Variants in DNAL1 observed in about 807,000 individuals in gnomAD.
The protein encoded by DNAL1 is dynein axonemal light chain 1.
DNAL1 carries 17 observed loss-of-function variants against 29.4 expected under a neutral mutation model. The observed-to-expected ratio is 0.58, with a 90% CI of 0.40 to 0.87. DNAL1 has a LOEUF of 0.87. Ranked by LOEUF, DNAL1 falls within the 40% of genes least tolerant of loss-of-function variation. The pLI, the probability that DNAL1 is intolerant of heterozygous loss-of-function variation, is 0.00. For missense variants in DNAL1, 188 were observed against 214.1 expected, an observed-to-expected ratio of 0.88 and a Z score of 0.76; for synonymous variants, 78 against 76.3, an observed-to-expected ratio of 1.02 and a Z score of -0.12.
At chr14:73,659,615 C>G (rs1238828832) in intron 3 of DNAL1, 1 of 152,070 alleles carries the variant, frequency 6.6e-6, no homozygotes, top group African/African-American at 2.4e-5. Flanking sequence ...AGGGGCCATG[C>G]TAATCTATCG....
intron 5 of DNAL1, among the ~76,000 whole-genome samples, chr14:73,679,838 G>C (rs1891835179): frequency 6.7e-6 from 1 of 149,730 alleles, no homozygotes; most frequent in Non-Finnish European, 1.5e-5. Context: ...AATTCATCTG[G>C]AGTTTATTTT....
intron 1 of DNAL1, chr14:73,653,038 A>G (rs1409101214): frequency 6.6e-6 from 1 of 152,186 alleles, no homozygotes; most frequent in East Asian, 1.9e-4. Context: ...TTAGGTATAG[A>G]AGGAAGGTGT....
At chr14:73,687,169 C>CT in intron 5 of DNAL1, 90 bp from the exon 6 acceptor site, 1 of 1,505,850 alleles carries the variant, frequency 6.6e-7, no homozygotes, top group Non-Finnish European at 8.9e-7. Context: ...TCTAAGTTCA[C>CT]TTTGGAAGCC....
chr14:73,647,703 C>A (rs1891013082), intron 1 of DNAL1, among the ~76,000 whole-genome samples: 3 of 150,374 alleles, frequency 2.0e-5, no homozygotes, highest in Admixed American at 2.0e-4. Flanking sequence ...TTTTTGACTC[C>A]TTCTATCCAT....
intron 7 of DNAL1, among the ~76,000 whole-genome samples, chr14:73,694,387 C>T (rs138239311): frequency 9.2e-5 from 14 of 152,198 alleles, no homozygotes; most frequent in African/African-American, 2.6e-4. Flanking sequence ...GTTTGGGAGA[C>T]GATGAACTGA....
chr14:73,662,868 T>C (rs1306272956), intron 4 of DNAL1, among the ~76,000 whole-genome samples: 1 of 151,650 alleles, frequency 6.6e-6, no homozygotes, highest in Non-Finnish European at 1.5e-5. Context: ...CATTAGAATG[T>C]AAGTATCTTT....
In DNAL1 at chr14:73,698,062, G is replaced by C. The variant is rs761957988; in HGVS notation, c.*2120G>C. ...TGGAAGTGAATATAATAGGAAGTAA[G>C]TGATTTCATATTGAATTTATTTGTA... On this transcript the variant is annotated 3_prime_UTR_variant, in exon 8 of 8. Transcript: ENST00000553645. The C allele has an allele frequency of 6.6e-6, 1 of 152,176 alleles. No individual in the cohort carries two copies. Among genetic ancestry groups the C allele is most frequent in the Non-Finnish European group, 1.5e-5 (1 of 68,036 alleles). 9.4% of individuals were successfully genotyped at this position (152,176 alleles called of 1,614,324 possible).
Position 73,689,445 on chromosome 14 carries a change from G to A in DNAL1, c.462G>A (p.Glu154=), listed in dbSNP as rs780459682. The part of the protein sequence containing the change: ...DLVFVGNPLE[E]KHSAENNWIE... ...TGTTTGTAGGCAATCCCTTGGAAGA[G>A]AAACATTCTGCTGAGAATAACTGGA... The change falls in exon 7 of 8, where the codon GAG becomes GAA. Residue 154 remains glutamate, a synonymous_variant. Coordinates refer to ENST00000553645, the MANE Select transcript of DNAL1 (RefSeq NM_031427.4). 5.8e-6 allele frequency: 9 copies of A among 1,564,790 alleles called. No homozygotes were observed. Among genetic ancestry groups the A allele is most frequent in the East Asian group, 2.4e-5 (1 of 42,364 alleles).
chr14:73,645,120 G>A, intron 1 of DNAL1, 78 bp downstream of exon 1: 1 of 1,571,892 alleles, frequency 6.4e-7, no homozygotes, highest in Non-Finnish European at 8.6e-7. Context: ...AGTGTTGAGG[G>A]TCTGGGGGTC....
chr14:73,656,434 C>CTTTTTTTTT (rs558976461), intron 2 of DNAL1, among the ~76,000 whole-genome samples: 1 of 132,656 alleles, frequency 7.5e-6, no homozygotes, highest in Non-Finnish European at 1.6e-5. Context: ...ACATTTTTGA[C>CTTTTTTTTT]TTTTTTTTTT....
chr14:73,652,542 C>G (rs1891134647), intron 1 of DNAL1, among the ~76,000 whole-genome samples: 1 of 152,150 alleles, frequency 6.6e-6, no homozygotes, highest in Non-Finnish European at 1.5e-5. Context: ...TCCCAAAGCG[C>G]TGGGATTACA....
chr14:73,688,283 G>A (rs1183656081), intron 6 of DNAL1, among the ~76,000 whole-genome samples: 1 of 152,152 alleles, frequency 6.6e-6, no homozygotes, highest in Admixed American at 6.6e-5. Flanking sequence ...GCTTAGTGGG[G>A]AAAATTAGTT....
At chr14:73,683,334 GGTTT>G (rs1163577292) in intron 5 of DNAL1, among the ~76,000 whole-genome samples, 1 of 152,062 alleles carries the variant, frequency 6.6e-6, no homozygotes, top group African/African-American at 2.4e-5. Context: ...TGGCTCAGTA[GGTTT>G]GTTTACACTA....
intron 5 of DNAL1, among the ~76,000 whole-genome samples, chr14:73,679,605 G>C: frequency 6.6e-6 from 1 of 152,148 alleles, no homozygotes; most frequent in Non-Finnish European, 1.5e-5. Flanking sequence ...TCTGATCACA[G>C]TTTCCACATT....
intron 3 of DNAL1, among the ~76,000 whole-genome samples, chr14:73,659,328 A>T (rs1429627354): frequency 6.6e-6 from 1 of 151,654 alleles, no homozygotes; most frequent in East Asian, 1.9e-4. Flanking sequence ...ACGCCCAGCA[A>T]TTTTTTTGTA....
intron 5 of DNAL1, among the ~76,000 whole-genome samples, chr14:73,677,796 A>T (rs1011245340): frequency 9.3e-5 from 14 of 150,450 alleles, no homozygotes; most frequent in African/African-American, 3.4e-4. Context: ...TGACCTCGTG[A>T]TCCGCCCACC....
chr14:73,699,980 A>T lies in DNAL1; in HGVS notation c.*4038A>T, dbSNP rs1317254249. 5 of 152,256 alleles carry T rather than the reference A, an allele frequency of 3.3e-5. No individual in the cohort carries two copies. The highest frequency in any genetic ancestry group is 2.6e-4 in the Admixed American group (4 of 15,278). The allele number at this position is 152,256 out of a possible 1,614,324, so 9.4% of individuals were successfully genotyped here. On this transcript the variant is annotated 3_prime_UTR_variant, in exon 8 of 8. Coordinates refer to ENST00000553645, the MANE Select transcript of DNAL1 (RefSeq NM_031427.4). ...ATCAATTTTGGATGTGATCAGAAGAATGTCTGCTTAAGATAACTGGTCAAT... is the reference window on the plus strand; with the variant it reads ...ATCAATTTTGGATGTGATCAGAAGATTGTCTGCTTAAGATAACTGGTCAAT...
At chr14:73,681,129 GTTT>G (rs889773703) in intron 5 of DNAL1, among the ~76,000 whole-genome samples, 1 of 149,118 alleles carries the variant, frequency 6.7e-6, no homozygotes, top group Non-Finnish European at 1.5e-5. Flanking sequence ...TGGGTTTGTT[GTTT>G]TTTTGCTTTT....
rs1168797166 is a variant in DNAL1 at position 73,697,905 on chromosome 14, G to A, written c.*1963G>A. The A allele has an allele frequency of 6.6e-6, 1 of 152,076 alleles. No homozygotes were observed. The highest frequency in any genetic ancestry group is 2.4e-5 in the African/African-American group (1 of 41,404). 9.4% of individuals were successfully genotyped at this position (152,076 alleles called of 1,614,324 possible). On this transcript the variant is annotated 3_prime_UTR_variant, in exon 8 of 8. Transcript: ENST00000553645. Reference sequence around the variant, plus strand: ...TTCTTTTATGAACCATAGGCAATGAGCCTTCATTCTCCTTGGTGATGTTTT... The same window carrying A: ...TTCTTTTATGAACCATAGGCAATGAACCTTCATTCTCCTTGGTGATGTTTT...
Sources: gnomAD v4.1 joint callset for allele counts (sites outside exome capture counted in the v4.1 genomes callset) on GRCh38, gnomAD v4.1.1 for gene constraint, MANE v1.5 for transcripts, NCBI Gene and HGNC (gene_info 2026-07-23, HGNC 2026-07-21) for gene names.